The following PLEKHG4B variants were observed in gnomAD, a reference collection of about 807,000 sequenced individuals.
PLEKHG4B encodes the protein pleckstrin homology domain-containing family G member 4B.
Under a neutral mutation model 121.3 loss-of-function variants are expected in PLEKHG4B, and 111 were observed. That is an observed-to-expected ratio of 0.92 (90% CI 0.78 to 1.07). PLEKHG4B has a LOEUF of 1.07. PLEKHG4B is among the 50% of genes least tolerant of loss of function. PLEKHG4B has a pLI of 0.00. For missense variants in PLEKHG4B, 1,831 were observed against 1,757.8 expected (o/e 1.04, Z -0.74); for synonymous variants, 738 against 725.0 (o/e 1.02, Z -0.29).
Position 188,704 on chromosome 5 carries a change from G to A in PLEKHG4B, c.*6381G>A, listed in dbSNP as rs1424811683. The A allele has an allele frequency of 6.6e-6, 1 of 152,280 alleles. No homozygotes were observed. The highest frequency in any genetic ancestry group is 1.9e-4 in the East Asian group (1 of 5,194). 9.4% of individuals were successfully genotyped at this position (152,280 alleles called of 1,614,324 possible). A position where few individuals can be genotyped will look rare whatever the true frequency, so the allele number is the denominator to read the frequency against. On this transcript the variant is annotated 3_prime_UTR_variant, in exon 20 of 20. Coordinates refer to ENST00000637938, the MANE Select transcript of PLEKHG4B (RefSeq NM_052909.5). ...ACCAGCTGGGTGGAGCTGCCGCCGA[G>A]TCCACGCCCCGTCTGGCTGGGACCT...
At chr5:116,612 T>C (rs1734315339) in intron 2 of PLEKHG4B, among the ~76,000 whole-genome samples, 1 of 152,260 alleles carries the variant, frequency 6.6e-6, no homozygotes, top group South Asian at 2.1e-4. Flanking sequence ...GGTAAAACTG[T>C]AGTGATAGCC....
intron 6 of PLEKHG4B, among the ~76,000 whole-genome samples, chr5:145,228 G>A (rs530814322): frequency 6.6e-6 from 1 of 152,344 alleles, no homozygotes; most frequent in African/African-American, 2.4e-5. Flanking sequence ...CGGGTGGTGG[G>A]CACCTGTCCC....
chr5:135,665 C>CAA (rs139636561), intron 2 of PLEKHG4B, among the ~76,000 whole-genome samples: 40 of 18,104 alleles, frequency 2.2e-3, no homozygotes, highest in Middle Eastern at 0.062. Context: ...GACTCCATCT[C>CAA]AAAAAAAAAA....
chr5:178,159 A>C (rs953328036), intron 18 of PLEKHG4B, among the ~76,000 whole-genome samples: 11 of 152,194 alleles, frequency 7.2e-5, no homozygotes, highest in Non-Finnish European at 1.5e-4. Flanking sequence ...TTTGTCTCTT[A>C]ATGCACAAAG....
intron 6 of PLEKHG4B, 50 bp downstream of exon 6, chr5:144,970 G>T: frequency 1.3e-6 from 2 of 1,521,156 alleles, no homozygotes; most frequent in Non-Finnish European, 1.8e-6. Context: ...TCGTAGGGCC[G>T]TGTGTTGCTG....
At position 159,902 on chromosome 5, in the gene PLEKHG4B, C is replaced by T. The variant is rs1006849086; in HGVS notation, c.2488-1881C>T. 4.6e-5 allele frequency among the ~76,000 whole-genome samples: 7 copies of T among 152,186 alleles called. No individual in the cohort carries two copies. Among genetic ancestry groups the T allele is most frequent in the Non-Finnish European group, 8.8e-5 (6 of 68,030 alleles). ...TCCTCAGGCCCTGCCACTCCCGCTT[C>T]CTTCCCGGCCTCCAGGTTTGTGCCC... is the stretch of plus-strand genomic sequence containing the variant. On this transcript the variant is annotated intron_variant, in intron 11 of 19. Coordinates refer to ENST00000637938, the MANE Select transcript of PLEKHG4B (RefSeq NM_052909.5). This position sits in a 1 kb window ranked among gnomAD's most constrained non-coding sequence, Gnocchi z 5.5.
At chr5:134,236 C>T (rs1734877892) in intron 2 of PLEKHG4B, among the ~76,000 whole-genome samples, 1 of 150,840 alleles carries the variant, frequency 6.6e-6, no homozygotes, top group Non-Finnish European at 1.5e-5. Flanking sequence ...GAAAATCAGA[C>T]ATTGTATGTT....
rs1410945784 is a variant in PLEKHG4B, at chr5:156,779, C to T, written c.2355C>T (p.Thr785=). Residue 785 remains threonine, a synonymous_variant, in exon 11 of 20, where the codon ACC becomes ACT. Transcript: ENST00000637938. This position sits in a 1 kb window ranked among gnomAD's most constrained non-coding sequence, Gnocchi z 4.4. ...ACTGCCTTCTCTTCCTCAGGGACAC[C>T]CTGGAGGCCGCCACAAGCCTGTACG... ...EELGTEDSRD[T]LEAATSLYDR... 6.4e-7 allele frequency: 1 copy of T among 1,554,242 alleles called. No homozygotes were observed. The highest frequency in any genetic ancestry group is 2.4e-5 in the East Asian group (1 of 41,226).
At chr5:129,802 G>A (rs1041704089) in intron 2 of PLEKHG4B, among the ~76,000 whole-genome samples, 10 of 152,100 alleles carry the variant, frequency 6.6e-5, no homozygotes, top group Non-Finnish European at 7.3e-5. Flanking sequence ...AATATTTAGG[G>A]TATGTATGAC....
At chr5:117,519 T>G (rs2126363167) in intron 2 of PLEKHG4B, among the ~76,000 whole-genome samples, 1 of 152,236 alleles carries the variant, frequency 6.6e-6, no homozygotes, top group Admixed American at 6.5e-5. Flanking sequence ...TTGAGAAATG[T>G]GATGGAGAAG....
At chr5:133,503 A>G (rs890176179) in intron 2 of PLEKHG4B, among the ~76,000 whole-genome samples, 5 of 152,246 alleles carry the variant, frequency 3.3e-5, no homozygotes, top group African/African-American at 1.2e-4. Context: ...AAAAGAAGAT[A>G]TACAGATGAC....
intron 1 of PLEKHG4B, among the ~76,000 whole-genome samples, chr5:100,060 C>G (rs72710820): frequency 0.04 from 6,092 of 152,156 alleles, 196 homozygotes; most frequent in Non-Finnish European, 0.057. Context: ...GCTTGCATTC[C>G]AGGAATAATT....
At chr5:131,358 G>A (rs1303761162) in intron 2 of PLEKHG4B, among the ~76,000 whole-genome samples, 2 of 152,170 alleles carry the variant, frequency 1.3e-5, no homozygotes, top group Non-Finnish European at 2.9e-5. Flanking sequence ...GGAACATGCA[G>A]TGTTTGGTTT....
intron 1 of PLEKHG4B, among the ~76,000 whole-genome samples, chr5:107,994 G>T (rs970882987): frequency 6.6e-6 from 1 of 152,168 alleles, no homozygotes; most frequent in African/African-American, 2.4e-5. Context: ...GGAATTAGAA[G>T]AGAGGAGGCC....
At position 143,030 on chromosome 5, in the gene PLEKHG4B, C is replaced by T. The variant is rs763526426; in HGVS notation, c.1478-17C>T. The T allele has an allele frequency of 2.5e-6, 4 of 1,610,342 alleles. No individual in the cohort carries two copies. Among genetic ancestry groups the T allele is most frequent in the Admixed American group, 1.7e-5 (1 of 59,956 alleles). Reference sequence around the variant, plus strand: ...GGAAAACCTTCATCTTTGACACGGCCTCTTTCCTTTGTCCAGACGTTCTTG... The same window carrying T: ...GGAAAACCTTCATCTTTGACACGGCTTCTTTCCTTTGTCCAGACGTTCTTG... On this transcript the variant is annotated splice_polypyrimidine_tract_variant and intron_variant, in intron 3 of 19. Coordinates refer to ENST00000637938, the MANE Select transcript of PLEKHG4B (RefSeq NM_052909.5).
At chr5:181,033 T>C (rs898721309) in intron 18 of PLEKHG4B, among the ~76,000 whole-genome samples, 1 of 152,224 alleles carries the variant, frequency 6.6e-6, no homozygotes, top group African/African-American at 2.4e-5. Context: ...TTACAATTAA[T>C]ATCATCTTTT....
At chr5:180,860 A>G (rs184568613) in intron 18 of PLEKHG4B, among the ~76,000 whole-genome samples, 17 of 152,226 alleles carry the variant, frequency 1.1e-4, no homozygotes, top group African/African-American at 2.9e-4. Flanking sequence ...CACATTACCT[A>G]TTGGTGAAGA....
At position 137,678 on chromosome 5, in the gene PLEKHG4B, G is replaced by A. The variant is rs1015657601; in HGVS notation, c.244-1805G>A. Among the ~76,000 whole-genome samples the A allele has an allele frequency of 6.6e-6, 1 of 152,198 alleles. No homozygotes were observed. Among genetic ancestry groups the A allele is most frequent in the Non-Finnish European group, 1.5e-5 (1 of 68,046 alleles). The stretch of plus-strand genomic sequence containing the variant: ...TTTTCTGGAAAAAGTCTAGTGGTGC[G>A]ATTACAAGGACAAGTCACAACGATT... On this transcript the variant is annotated intron_variant, in intron 2 of 19. Coordinates refer to ENST00000637938, the MANE Select transcript of PLEKHG4B (RefSeq NM_052909.5). This position sits in a 1 kb window ranked among gnomAD's most constrained non-coding sequence, Gnocchi z 4.2.
chr5:136,047 G>T (rs1734975772), intron 2 of PLEKHG4B, among the ~76,000 whole-genome samples: 1 of 151,984 alleles, frequency 6.6e-6, no homozygotes, highest in Non-Finnish European at 1.5e-5. Flanking sequence ...TTCTACAGGG[G>T]TGCCAAGACT....
Sources: allele counts gnomAD v4.1 joint callset (sites outside exome capture counted in the v4.1 genomes callset), GRCh38; gene constraint gnomAD v4.1.1; non-coding constraint Gnocchi (gnomAD v3.1); transcripts MANE v1.5; gene names NCBI Gene and HGNC (gene_info 2026-07-23, HGNC 2026-07-21).